FAM149A: variants seen among roughly 807,000 people sequenced by gnomAD.
FAM149A encodes the protein protein FAM149A.
Under a neutral mutation model 78.2 loss-of-function variants are expected in FAM149A, and 71 were observed. The observed-to-expected ratio is 0.91, with a 90% CI of 0.75 to 1.11. FAM149A has a LOEUF of 1.11. Among genes scored for constraint, FAM149A ranks in the 50% least tolerant of loss-of-function variants. FAM149A has a pLI of 0.00. For synonymous variants in FAM149A, 446 were observed against 410.5 expected (o/e 1.09, Z -1.04); for missense variants, 1,036 against 971.0 (o/e 1.07, Z -0.89).
chr4:186,109,439 T>C (rs899677725), intron 1 of FAM149A: 3 of 973,268 alleles, frequency 3.1e-6, no homozygotes, highest in Non-Finnish European at 3.7e-6. Context: ...TCTCGATTCC[T>C]CTGACACTGA....
intron 11 of FAM149A, 57 bp from the exon 12 acceptor site, chr4:186,166,911 T>G (rs1735078242): frequency 2.2e-5 from 34 of 1,549,880 alleles, no homozygotes; most frequent in Non-Finnish European, 2.8e-5. Context: ...GAGATTTTCT[T>G]TTGTGTTTTT....
intron 1 of FAM149A, chr4:186,109,084 T>C (rs1276016111): frequency 4.3e-6 from 2 of 465,432 alleles, no homozygotes; most frequent in Non-Finnish European, 5.6e-6. Flanking sequence ...CCTGACCTTG[T>C]AATTTGCCCG....
chr4:186,162,989 T>C (rs1734733107), intron 9 of FAM149A, 41 bp downstream of exon 9: 4 of 1,149,512 alleles, frequency 3.5e-6, no homozygotes, highest in South Asian at 2.5e-5. Flanking sequence ...GCCTCTTCCC[T>C]GTGCTGCAAA....
intron 13 of FAM149A, among the ~76,000 whole-genome samples, chr4:186,170,393 A>G (rs1409389360): frequency 6.6e-6 from 1 of 152,266 alleles, no homozygotes; most frequent in Non-Finnish European, 1.5e-5. Context: ...TGCCTGGTGC[A>G]TAACAAGCCT....
intron 1 of FAM149A, chr4:186,118,139 C>A (rs913524342): frequency 2.0e-6 from 2 of 985,402 alleles, no homozygotes; most frequent in Non-Finnish European, 2.4e-6. Context: ...CAACTTTGCA[C>A]GTACAGGAGT....
intron 3 of FAM149A, 102 bp downstream of exon 3, chr4:186,149,806 C>T: frequency 1.3e-6 from 1 of 745,432 alleles, no homozygotes; most frequent in Non-Finnish European, 1.9e-6. Context: ...AAAGCATGAC[C>T]TATTGCATAC....
intron 1 of FAM149A, among the ~76,000 whole-genome samples, chr4:186,126,255 G>A (rs1005796556): frequency 6.6e-6 from 1 of 152,052 alleles, no homozygotes; most frequent in East Asian, 1.9e-4. Context: ...TTCCCGAGAT[G>A]CCCCTTTCTT....
chr4:186,165,361 A>G lies in FAM149A; in HGVS notation c.1907A>G (p.His636Arg), dbSNP rs766263720. Residue 636 changes from histidine to arginine, a missense_variant, in exon 11 of 14, where the codon CAC (histidine) becomes CGC (arginine). By Grantham distance (29) the His-to-Arg change is conservative. This residue lies in a region of FAM149A where 716 missense variants were observed against 711.8 expected (regional missense o/e 1.01). Transcript: ENST00000389354. ...TGTTGCAGGCCGACTGGCGTGGACC[A>G]CATGGCTTCCCCACTGGTTCAAACG... 1.3e-5 allele frequency: 21 copies of G among 1,614,070 alleles called. No homozygotes were observed. Among genetic ancestry groups the G allele is most frequent in the Non-Finnish European group, 1.6e-5 (19 of 1,180,042 alleles).
At position 186,158,167 on chromosome 4, in the gene FAM149A, T is replaced by G. The variant is rs944252596; in HGVS notation, c.1575+448T>G. ...GCCGGCAGGCTGTGCTGAAGCTCAC[T>G]GCTGCCACCAGAGCCACTCCAGCTG... On this transcript the variant is annotated intron_variant, in intron 8 of 13. Coordinates refer to ENST00000389354, the MANE Select transcript of FAM149A (RefSeq NM_001367768.3). The G allele has an allele frequency of 5.7e-5, 73 of 1,282,342 alleles. No homozygotes were observed. The South Asian group carries it at 9.5e-4, about 17-fold the overall frequency. 79.4% of individuals were successfully genotyped at this position (1,282,342 alleles called of 1,614,324 possible). A position where few individuals can be genotyped will look rare whatever the true frequency, so the allele number is the denominator to read the frequency against.
At chr4:186,136,961 TCTTTCTCTCTCTCTTTCTCTCTCTCTC>T (rs2099323171) in intron 1 of FAM149A, among the ~76,000 whole-genome samples, 12 of 103,950 alleles carry the variant, frequency 1.2e-4, no homozygotes, top group Admixed American at 8.2e-4. Context: ...TCTCTCTCTC[TCTTTCTCTCTCTCTTTCTCTCTCTCTC>T]TCTCTCTCTC....
chr4:186,119,990 T>C (rs970563239), intron 1 of FAM149A, among the ~76,000 whole-genome samples: 5 of 152,216 alleles, frequency 3.3e-5, no homozygotes, highest in African/African-American at 9.6e-5. Flanking sequence ...GAAGCGCAGT[T>C]TAAAGAAGCA....
At chr4:186,137,870 A>G (rs866736524) in intron 1 of FAM149A, among the ~76,000 whole-genome samples, 2 of 151,514 alleles carry the variant, frequency 1.3e-5, no homozygotes, top group African/African-American at 2.4e-5. Flanking sequence ...AATATATTCT[A>G]TATTTTTCTA....
chr4:186,104,741 C>CGCGGGCG lies in FAM149A; in HGVS notation c.-314_-308dup, dbSNP rs10536167. ...GGCCGGGTGTGTTGAACGTAGCAAC[C>CGCGGGCG]GCGGGCGGCGGGCGGCGGGCGGCGG... On this transcript the variant is annotated 5_prime_UTR_variant, in exon 1 of 14. Transcript: ENST00000389354. 0.27 allele frequency among the ~76,000 whole-genome samples: 40,160 copies of CGCGGGCG among 149,228 alleles called. 5,732 individuals are homozygous for CGCGGGCG. Among genetic ancestry groups the CGCGGGCG allele is most frequent in the South Asian group, 0.34 (1,628 of 4,746 alleles).
At chr4:186,143,549 TTG>T (rs1732721457) in intron 1 of FAM149A, among the ~76,000 whole-genome samples, 1 of 152,038 alleles carries the variant, frequency 6.6e-6, no homozygotes, top group African/African-American at 2.4e-5. Context: ...ACTGTTTTGT[TTG>T]TGTTTGTTTT....
Position 186,159,922 on chromosome 4 carries a change from CACACACACACCACACACAG to C in FAM149A, c.1575+2212_1575+2230del, listed in dbSNP as rs1734378355. On this transcript the variant is annotated intron_variant, in intron 8 of 13. Transcript: ENST00000389354. ...GCCCAGCCATGTCAAACAACACACA[CACACACACACCACACACAG>C]ACACACACCACACCACTCATACACA... Among the ~76,000 whole-genome samples the C allele has an allele frequency of 2.8e-5, 3 of 108,134 alleles. No homozygotes were observed. The Middle Eastern group carries it at 0.017, about 621-fold the overall frequency. 70.9% of individuals were successfully genotyped at this position (108,134 alleles called of 152,430 possible). A position where few individuals can be genotyped will look rare whatever the true frequency, so the allele number is the denominator to read the frequency against.
In FAM149A at chr4:186,106,928, C is replaced by T. The variant is rs566478265; in HGVS notation, c.566+1286C>T. Among the ~76,000 whole-genome samples, 538 of 151,962 alleles carry T rather than the reference C, an allele frequency of 3.5e-3. 1 individual carries two copies. The highest frequency in any genetic ancestry group is 0.01 in the Middle Eastern group (3 of 294). ...TCGCACCATTGCGCTCCAACCTGGGCGACAGAGAGAGAGACTCCGTCTCAA... is the reference window on the plus strand; with the variant it reads ...TCGCACCATTGCGCTCCAACCTGGGTGACAGAGAGAGAGACTCCGTCTCAA... On this transcript the variant is annotated intron_variant, in intron 1 of 13. Transcript: ENST00000389354.
chr4:186,124,143 C>A, intron 1 of FAM149A: 1 of 985,200 alleles, frequency 1.0e-6, no homozygotes, highest in Non-Finnish European at 1.2e-6. Context: ...TACCAAGATA[C>A]ATCTACAGAA....
At chr4:186,108,159 A>T (rs2099309551) in intron 1 of FAM149A, among the ~76,000 whole-genome samples, 1 of 152,222 alleles carries the variant, frequency 6.6e-6, no homozygotes, top group Non-Finnish European at 1.5e-5. Flanking sequence ...TGTGTGGTTA[A>T]TATTAAAATC....
intron 7 of FAM149A, among the ~76,000 whole-genome samples, chr4:186,157,269 A>C (rs925107353): frequency 1.1e-4 from 17 of 152,238 alleles, no homozygotes; most frequent in Admixed American, 6.5e-5. Flanking sequence ...TAAGGCAATA[A>C]TCACGTTAAC....
Sources: gnomAD v4.1 joint callset for allele counts (sites outside exome capture counted in the v4.1 genomes callset) on GRCh38, gnomAD v4.1.1 for gene constraint, gnomAD v4.1.1 regional missense constraint, MANE v1.5 for transcripts, NCBI Gene and HGNC (gene_info 2026-07-23, HGNC 2026-07-21) for gene names.